Variants in ROBO2 observed in about 807,000 individuals in gnomAD.
ROBO2 encodes the protein roundabout homolog 2.
A neutral mutation model predicts 160.8 loss-of-function variants in ROBO2; 53 were observed. That is an observed-to-expected ratio of 0.33 (90% CI 0.26 to 0.41). The LOEUF (loss-of-function observed/expected upper bound fraction) is 0.41, where lower values mean the gene tolerates loss of function less well. Among genes scored for constraint, ROBO2 ranks in the 10% least tolerant of loss-of-function variants. ROBO2 has a pLI of 1.00. For missense variants in ROBO2, 1,577 were observed against 1,722.4 expected, an observed-to-expected ratio of 0.92 and a Z score of 1.49; for synonymous variants, 664 against 611.7, an observed-to-expected ratio of 1.09 and a Z score of -1.26.
intron 2 of ROBO2, among the ~76,000 whole-genome samples, chr3:76,440,937 C>T (rs1317886170): frequency 6.6e-6 from 1 of 152,126 alleles, no homozygotes; most frequent in African/African-American, 2.4e-5. Flanking sequence ...CCTATTATCC[C>T]ATCTCTAGCC....
chr3:76,796,161 G>T (rs1186781660), intron 2 of ROBO2, among the ~76,000 whole-genome samples: 1 of 151,946 alleles, frequency 6.6e-6, no homozygotes, highest in Admixed American at 6.6e-5. Flanking sequence ...AAATCACCAG[G>T]GCACCAGCTG....
At chr3:76,974,599 TTC>T in intron 2 of ROBO2, among the ~76,000 whole-genome samples, 1 of 152,336 alleles carries the variant, frequency 6.6e-6, no homozygotes, top group South Asian at 2.1e-4. Flanking sequence ...TACTTACTTA[TTC>T]TTTTCTGACA....
At chr3:75,935,261 T>C (rs1215507874) in intron 1 of ROBO2, among the ~76,000 whole-genome samples, 3 of 152,170 alleles carry the variant, frequency 2.0e-5, no homozygotes, top group Admixed American at 6.5e-5. Context: ...GGCTCACACC[T>C]GTAATCTCAT....
chr3:76,402,847 G>C (rs1316339823), intron 2 of ROBO2, among the ~76,000 whole-genome samples: 1 of 151,544 alleles, frequency 6.6e-6, no homozygotes, highest in Non-Finnish European at 1.5e-5. Context: ...TGATTAGATT[G>C]GGCTCACCCA....
At chr3:77,447,211 A>G (rs1186942620) in intron 2 of ROBO2, among the ~76,000 whole-genome samples, 1 of 152,114 alleles carries the variant, frequency 6.6e-6, no homozygotes, top group Non-Finnish European at 1.5e-5. Flanking sequence ...GTTACTTAGC[A>G]CTATTGCTTG....
At chr3:76,390,044 C>T (rs992496398) in intron 2 of ROBO2, among the ~76,000 whole-genome samples, 2 of 152,026 alleles carry the variant, frequency 1.3e-5, no homozygotes, top group Non-Finnish European at 2.9e-5. Context: ...TGGTCTGGAG[C>T]TTAGAATAAA....
chr3:77,361,635 G>A (rs1348824620), intron 2 of ROBO2, among the ~76,000 whole-genome samples: 1 of 152,070 alleles, frequency 6.6e-6, no homozygotes, highest in African/African-American at 2.4e-5. Flanking sequence ...TAGTGGAAAG[G>A]AGGGTCAAGC....
At chr3:76,031,734 G>A (rs867262288) in intron 2 of ROBO2, among the ~76,000 whole-genome samples, 81 of 152,150 alleles carry the variant, frequency 5.3e-4, no homozygotes, top group African/African-American at 1.9e-3. Flanking sequence ...TGGTGGATAA[G>A]CTTTTTGATG....
chr3:76,278,590 C>A (rs1394055149), intron 2 of ROBO2, among the ~76,000 whole-genome samples: 2 of 151,928 alleles, frequency 1.3e-5, no homozygotes, highest in African/African-American at 4.8e-5. Context: ...GAGAAACATA[C>A]AAGTTTGTCC....
chr3:76,110,887 A>C (rs999876484), intron 2 of ROBO2, among the ~76,000 whole-genome samples: 1 of 152,194 alleles, frequency 6.6e-6, no homozygotes, highest in African/African-American at 2.4e-5. Flanking sequence ...TTACTTTAGC[A>C]AACAGGAAAA....
At chr3:76,444,801 ATAATCC>A (rs1345405464) in intron 2 of ROBO2, among the ~76,000 whole-genome samples, 1 of 152,212 alleles carries the variant, frequency 6.6e-6, no homozygotes, top group Non-Finnish European at 1.5e-5. Context: ...TGGTGTTATA[ATAATCC>A]TATAGTTGTT....
chr3:75,911,208 T>G (rs1230525888), intron 1 of ROBO2, among the ~76,000 whole-genome samples: 1 of 152,198 alleles, frequency 6.6e-6, no homozygotes, highest in Non-Finnish European at 1.5e-5. Flanking sequence ...AAATTACAGC[T>G]TCTCAGCGAT....
intron 2 of ROBO2, among the ~76,000 whole-genome samples, chr3:77,116,559 A>G (rs2074221659): frequency 6.9e-6 from 1 of 144,296 alleles, no homozygotes; most frequent in African/African-American, 2.9e-5. Context: ...AAACTTGGAC[A>G]CTTAGAAAAA....
At chr3:76,588,987 T>C (rs2086237549) in intron 2 of ROBO2, among the ~76,000 whole-genome samples, 1 of 152,138 alleles carries the variant, frequency 6.6e-6, no homozygotes. Context: ...CTCAAAACAA[T>C]AACATACTCT....
chr3:76,774,814 C>CT (rs5850290), intron 2 of ROBO2, among the ~76,000 whole-genome samples: 120,230 of 145,778 alleles, frequency 0.82, 49,560 homozygotes, highest in Admixed American at 0.85. Context: ...AGAATATCCT[C>CT]TTTTTTTTTT....
At chr3:76,294,688 AT>A (rs1708981075) in intron 2 of ROBO2, among the ~76,000 whole-genome samples, 1 of 152,220 alleles carries the variant, frequency 6.6e-6, no homozygotes, top group Admixed American at 6.5e-5. Context: ...AAAATGGTGT[AT>A]TATGACAAGT....
rs138815218 is a variant in ROBO2, at chr3:77,212,482, C to T, written c.388+114142C>T. ...AGCTTAAGGAGATTTGGGGCTGAGA[C>T]GATGGGGTTTTCTAGATATACAATC... On this transcript the variant is annotated intron_variant, in intron 2 of 25. Transcript: ENST00000461745. Among the ~76,000 whole-genome samples the T allele has an allele frequency of 7.3e-3, 1,105 of 152,206 alleles. 12 individuals carry two copies. Among genetic ancestry groups the T allele is most frequent in the African/African-American group, 0.024 (1,005 of 41,546 alleles).
chr3:76,983,592 A>G (rs1202580765), intron 2 of ROBO2, among the ~76,000 whole-genome samples: 3 of 152,220 alleles, frequency 2.0e-5, no homozygotes, highest in African/African-American at 7.2e-5. Context: ...AAATATCTAA[A>G]GAACCTACAA....
chr3:76,698,300 T>C (rs1032460873), intron 2 of ROBO2, among the ~76,000 whole-genome samples: 2 of 152,096 alleles, frequency 1.3e-5, no homozygotes, highest in African/African-American at 2.4e-5. Flanking sequence ...TATCGACAGG[T>C]TCCCTGGCAA....
Sources: gnomAD v4.1 joint callset for allele counts (sites outside exome capture counted in the v4.1 genomes callset) on GRCh38, gnomAD v4.1.1 for gene constraint, MANE v1.5 for transcripts, NCBI Gene and HGNC (gene_info 2026-07-23, HGNC 2026-07-21) for gene names.